ADGRV1: variants seen among roughly 807,000 people sequenced by gnomAD.
ADGRV1 encodes the protein adhesion G protein-coupled receptor V1, also known as G-protein coupled receptor 98.
Under a neutral mutation model 596.2 loss-of-function variants are expected in ADGRV1, and 359 were observed. That is an observed-to-expected ratio of 0.60 (90% CI 0.55 to 0.66). The LOEUF (loss-of-function observed/expected upper bound fraction) is 0.66. Among genes scored for constraint, ADGRV1 ranks in the 30% least tolerant of loss-of-function variants. The pLI is 0.00. For missense variants in ADGRV1, 7,274 were observed against 7,575.6 expected, an observed-to-expected ratio of 0.96 and a Z score of 1.48; for synonymous variants, 2,681 against 2,679.2, an observed-to-expected ratio of 1.00 and a Z score of -0.02.
chr5:90,937,198 T>G (rs1010601795), intron 83 of ADGRV1, among the ~76,000 whole-genome samples: 4 of 152,202 alleles, frequency 2.6e-5, no homozygotes, highest in African/African-American at 7.2e-5. Context: ...CCTAATGACT[T>G]ATGTATTTCT....
chr5:90,627,603 T>C lies in ADGRV1; in HGVS notation c.1065T>C (p.Ala355=), dbSNP rs1257314927. 1.2e-6 allele frequency: 2 copies of C among 1,613,966 alleles called. No individual in the cohort carries two copies. The highest frequency in any genetic ancestry group is 2.2e-5 in the East Asian group (1 of 44,866). ...TTGATGACACCATACCGGAGATTGC[T>C]GAATCGTTTCACATTATGTTACTAA... ...QIVDDTIPEI[A]ESFHIMLLKD... The change falls in exon 7 of 90, where the codon GCT becomes GCC. Residue 355 remains alanine, a synonymous_variant. Coordinates refer to ENST00000405460, the MANE Select transcript of ADGRV1 (RefSeq NM_032119.4).
intron 7 of ADGRV1, among the ~76,000 whole-genome samples, chr5:90,628,304 T>C (rs1765063757): frequency 6.6e-6 from 1 of 151,854 alleles, no homozygotes; most frequent in Non-Finnish European, 1.5e-5. Context: ...CCCAGATACT[T>C]GGGAGGCTAA....
chr5:90,645,551 T>A (rs1391376184), intron 15 of ADGRV1, among the ~76,000 whole-genome samples: 5 of 152,206 alleles, frequency 3.3e-5, no homozygotes, highest in African/African-American at 1.2e-4. Flanking sequence ...GTAAGGTTTG[T>A]AAGAAGCCTT....
intron 85 of ADGRV1, among the ~76,000 whole-genome samples, chr5:91,059,026 C>T (rs968997721): frequency 6.6e-6 from 1 of 152,206 alleles, no homozygotes; most frequent in Non-Finnish European, 1.5e-5. Flanking sequence ...ACACTTTCCT[C>T]TCTACTATTT....
intron 87 of ADGRV1, among the ~76,000 whole-genome samples, chr5:91,115,426 C>T (rs749072323): frequency 1.2e-4 from 19 of 152,168 alleles, no homozygotes; most frequent in Non-Finnish European, 1.9e-4. Flanking sequence ...TACTCCTGGG[C>T]CGGCATCCTA....
chr5:90,998,447 G>T (rs187081579), intron 85 of ADGRV1, among the ~76,000 whole-genome samples: 40 of 151,486 alleles, frequency 2.6e-4, no homozygotes, highest in Non-Finnish European at 4.7e-4. Context: ...ACCCTGTATC[G>T]GTATGTAATA....
intron 60 of ADGRV1, among the ~76,000 whole-genome samples, chr5:90,775,437 TAGA>T (rs1758123729): frequency 6.6e-6 from 1 of 152,144 alleles, no homozygotes; most frequent in African/African-American, 2.4e-5. Flanking sequence ...TAATTAAACA[TAGA>T]AGAATATATG....
intron 1 of ADGRV1, among the ~76,000 whole-genome samples, chr5:90,587,020 T>C (rs1399243359): frequency 1.3e-5 from 2 of 152,206 alleles, no homozygotes; most frequent in Admixed American, 6.5e-5. Flanking sequence ...TAAATATTAA[T>C]TTCAGAGTAA....
intron 78 of ADGRV1, among the ~76,000 whole-genome samples, chr5:90,841,838 G>T (rs189300781): frequency 2.0e-5 from 3 of 152,104 alleles, no homozygotes; most frequent in Non-Finnish European, 4.4e-5. Context: ...CCATCCAGTG[G>T]TATCTCTTAA....
Position 90,628,664 on chromosome 5 carries a change from A to G in ADGRV1, c.1341A>G (p.Ala447=), listed in dbSNP as rs1239640258. 6.2e-7 allele frequency: 1 copy of G among 1,614,016 alleles called. No homozygotes were observed. The highest frequency in any genetic ancestry group is 1.1e-5 in the South Asian group (1 of 91,088). Residue 447 remains alanine, a synonymous_variant, in exon 8 of 90, where the codon GCA becomes GCG. Coordinates refer to ENST00000405460, the MANE Select transcript of ADGRV1 (RefSeq NM_032119.4). ...GCACTGATCCCTCACCAGTAACAGCAGATATCAGACCGAGCTCTGGAGTTC... is the reference window on the plus strand; with the variant it reads ...GCACTGATCCCTCACCAGTAACAGCGGATATCAGACCGAGCTCTGGAGTTC... ...RNSTDPSPVT[A]DIRPSSGVLH...
rs1242416520 is a variant in ADGRV1, at chr5:90,784,075, A to G, written c.13653+18A>G. On this transcript the variant is annotated intron_variant, in intron 67 of 89. Coordinates refer to ENST00000405460, the MANE Select transcript of ADGRV1 (RefSeq NM_032119.4). ...AGATTCAGGTAGATTTATGTTCCCC[A>G]TGACTTTAAATATAATTTTTGATAG... 6.6e-7 allele frequency: 1 copy of G among 1,513,358 alleles called. No individual in the cohort carries two copies. Among genetic ancestry groups the G allele is most frequent in the African/African-American group, 1.4e-5 (1 of 72,508 alleles). 93.7% of individuals were successfully genotyped at this position (1,513,358 alleles called of 1,614,324 possible).
In ADGRV1 at chr5:90,776,394, C is replaced by T. The variant is rs11948548; in HGVS notation, c.12404-59C>T. 3.7e-3 allele frequency: 5,607 copies of T among 1,520,940 alleles called. 177 individuals are homozygous for T. The African/African-American group carries it at 0.067, about 18-fold the overall frequency. 94.2% of individuals were successfully genotyped at this position (1,520,940 alleles called of 1,614,324 possible). On this transcript the variant is annotated intron_variant, in intron 60 of 89. Coordinates refer to ENST00000405460, the MANE Select transcript of ADGRV1 (RefSeq NM_032119.4). ...GTAAAGTGCTTAGAAAGTTTCCAGG[C>T]ATATACTAAGTGCTTATGTGCACCT...
chr5:90,687,900 G>A (rs1745897679), intron 29 of ADGRV1, among the ~76,000 whole-genome samples: 2 of 152,016 alleles, frequency 1.3e-5, no homozygotes, highest in African/African-American at 2.4e-5. Context: ...AAATAAAAGA[G>A]GATACAAACA....
At chr5:90,786,078 G>T (rs571950575) in intron 67 of ADGRV1, among the ~76,000 whole-genome samples, 7 of 152,174 alleles carry the variant, frequency 4.6e-5, no homozygotes, top group South Asian at 4.2e-4. Context: ...GCCATAAAAA[G>T]GATGAGTTCA....
chr5:90,642,792 T>A, intron 12 of ADGRV1, 30 bp downstream of exon 12: 3 of 1,606,584 alleles, frequency 1.9e-6, no homozygotes. Flanking sequence ...CCATTTATTC[T>A]GTGCTCACAA....
intron 83 of ADGRV1, among the ~76,000 whole-genome samples, chr5:90,892,646 T>G (rs1187936991): frequency 1.3e-5 from 2 of 152,168 alleles, no homozygotes; most frequent in Non-Finnish European, 2.9e-5. Flanking sequence ...CTCTTACCCC[T>G]TTTAATCCTT....
Position 90,694,121 on chromosome 5 carries a change from CA to C in ADGRV1, c.7366del (p.Ser2456ValfsTer11). ...AAGCTTGCTCAGCGTTTTCATTTTT[CA>C]GTGCTTCTGAGGGTCCCCAGTGTTT... ...EQACSAFSFFSASEGPQCFWM... is the reference protein window; with the variant it reads ...EQACSAFSFFXASEGPQCFWM... On this transcript the variant is annotated frameshift_variant, in exon 33 of 90. Transcript: ENST00000405460. LOFTEE classifies it high-confidence loss of function. 6.2e-7 allele frequency: 1 copy of C among 1,613,788 alleles called. No homozygotes were observed. Among genetic ancestry groups the C allele is most frequent in the Non-Finnish European group, 8.5e-7 (1 of 1,179,816 alleles).
chr5:90,974,732 A>T (rs951821698), intron 84 of ADGRV1, among the ~76,000 whole-genome samples: 1 of 152,220 alleles, frequency 6.6e-6, no homozygotes, highest in East Asian at 1.9e-4. Context: ...TATTAGACCT[A>T]AAACCATAAA....
chr5:90,993,721 T>C (rs1781166315), intron 85 of ADGRV1, among the ~76,000 whole-genome samples: 1 of 152,156 alleles, frequency 6.6e-6, no homozygotes, highest in South Asian at 2.1e-4. Context: ...TATATCTAGG[T>C]GTGGGTCTCT....
Sources: allele counts gnomAD v4.1 joint callset (sites outside exome capture counted in the v4.1 genomes callset), GRCh38; gene constraint gnomAD v4.1.1; transcripts MANE v1.5; gene names NCBI Gene and HGNC (gene_info 2026-07-23, HGNC 2026-07-21).